The following CORO2A variants were observed in gnomAD, a reference collection of about 807,000 sequenced individuals.
CORO2A encodes coronin-2A.
In CORO2A, 47 loss-of-function variants were observed where a neutral mutation model predicts 62.4. The ratio of observed to expected loss-of-function variants is 0.75; its 90% CI spans 0.60 to 0.96. The LOEUF (loss-of-function observed/expected upper bound fraction) is 0.96. Ranked by LOEUF, CORO2A falls within the 40% of genes least tolerant of loss-of-function variation. The pLI, the probability that CORO2A is intolerant of heterozygous loss-of-function variation, is 0.00. For missense variants in CORO2A, 610 were observed against 684.1 expected, an observed-to-expected ratio of 0.89 and a Z score of 1.21; for synonymous variants, 273 against 268.9, an observed-to-expected ratio of 1.02 and a Z score of -0.15.
chr9:98,188,187 C>T (rs1828262140), intron 1 of CORO2A, among the ~76,000 whole-genome samples: 1 of 152,134 alleles, frequency 6.6e-6, no homozygotes, highest in South Asian at 2.1e-4. Context: ...CAGAAATGAG[C>T]CTGACTCACC....
chr9:98,138,319 G>A (rs2118826456), intron 2 of CORO2A, among the ~76,000 whole-genome samples: 1 of 151,646 alleles, frequency 6.6e-6, no homozygotes, highest in East Asian at 2.0e-4. Context: ...GGAGGCTGAG[G>A]TAGAACACTT....
intron 1 of CORO2A, among the ~76,000 whole-genome samples, chr9:98,159,317 G>A (rs1827851525): frequency 6.6e-6 from 1 of 152,036 alleles, no homozygotes; most frequent in Non-Finnish European, 1.5e-5. Context: ...TCAAAGGTTG[G>A]GATTAAAGGC....
At chr9:98,172,936 A>G (rs1009932887) in intron 1 of CORO2A, 22 of 152,304 alleles carry the variant, frequency 1.4e-4, no homozygotes, top group African/African-American at 5.3e-4. Context: ...AGGACAGGTG[A>G]CAGCATCACA....
At position 98,157,211 on chromosome 9, in the gene CORO2A, G is replaced by A. The variant is rs540191078; in HGVS notation, c.201+249C>T. ...ATTTTATTCAGGAGGAAATAAATTC[G>A]CAGAATTATATTGCAGAGAAGAGGA... On this transcript the variant is annotated intron_variant, in intron 2 of 11. Transcript: ENST00000375077. Among the ~76,000 whole-genome samples the A allele has an allele frequency of 1.1e-4, 16 of 152,238 alleles. 1 individual carries two copies. The South Asian group carries it at 3.1e-3, about 30-fold the overall frequency.
At chr9:98,161,302 C>T (rs560810437) in intron 1 of CORO2A, among the ~76,000 whole-genome samples, 98 of 152,072 alleles carry the variant, frequency 6.4e-4, no homozygotes, top group Non-Finnish European at 1.1e-3. Context: ...ACCTGTAATC[C>T]CAGCACTTTG....
In CORO2A at chr9:98,124,969, C is replaced by G. The variant is rs530059419; in HGVS notation, c.1447-64G>C. 2.0e-6 allele frequency: 3 copies of G among 1,532,830 alleles called. No homozygotes were observed. In the African/African-American group the frequency reaches 4.1e-5, roughly 21 times the overall value. 95.0% of individuals were successfully genotyped at this position (1,532,830 alleles called of 1,614,324 possible). Reference sequence around the variant, plus strand: ...TCAGGACACCAGCTGAAAGCTAAACCACTATCCCTCTTTGACTCAGAAAGG... The same window carrying G: ...TCAGGACACCAGCTGAAAGCTAAACGACTATCCCTCTTTGACTCAGAAAGG... On this transcript the variant is annotated intron_variant, in intron 11 of 11. Coordinates refer to ENST00000375077, the MANE Select transcript of CORO2A (RefSeq NM_052820.4).
rs1471981243 is a variant in CORO2A, at chr9:98,123,395, C to T, written c.*1379G>A. On this transcript the variant is annotated 3_prime_UTR_variant, in exon 12 of 12. Transcript: ENST00000375077. ...TTTCCTAGCAGAATTGTTTTTCATA[C>T]TAGCCCAACATATAAAATAGAAGGG... 6.6e-6 allele frequency: 1 copy of T among 152,086 alleles called. No individual in the cohort carries two copies. Among genetic ancestry groups the T allele is most frequent in the Non-Finnish European group, 1.5e-5 (1 of 68,018 alleles). 9.4% of individuals were successfully genotyped at this position (152,086 alleles called of 1,614,324 possible). A position where few individuals can be genotyped will look rare whatever the true frequency, so the allele number is the denominator to read the frequency against.
chr9:98,133,588 T>G (rs1285537791), intron 4 of CORO2A, among the ~76,000 whole-genome samples: 1 of 152,112 alleles, frequency 6.6e-6, no homozygotes, highest in African/African-American at 2.4e-5. Flanking sequence ...CATGCAGAGG[T>G]CCAGGGCAAT....
At chr9:98,169,170 C>G (rs1307631888) in intron 1 of CORO2A, among the ~76,000 whole-genome samples, 42 of 152,334 alleles carry the variant, frequency 2.8e-4, no homozygotes, top group Non-Finnish European at 2.8e-4. Context: ...ACAGCAAATG[C>G]AAAGAGTCCC....
chr9:98,158,343 A>G (rs1827835320), intron 1 of CORO2A, among the ~76,000 whole-genome samples: 1 of 152,190 alleles, frequency 6.6e-6, no homozygotes, highest in African/African-American at 2.4e-5. Flanking sequence ...TGTCATAAGG[A>G]TTAAGTTAGA....
intron 6 of CORO2A, 45 bp downstream of exon 6, chr9:98,132,140 C>A: frequency 7.2e-7 from 1 of 1,393,614 alleles, no homozygotes. Flanking sequence ...ATGACACTGG[C>A]TCTCAGCTGA....
At chr9:98,176,600 G>C (rs1355863518) in intron 1 of CORO2A, among the ~76,000 whole-genome samples, 1 of 152,146 alleles carries the variant, frequency 6.6e-6, no homozygotes, top group Non-Finnish European at 1.5e-5. Context: ...GGCTCCACTG[G>C]GGGGTGGGGG....
intron 3 of CORO2A, among the ~76,000 whole-genome samples, chr9:98,136,344 C>G (rs1482812322): frequency 5.3e-5 from 8 of 152,238 alleles, no homozygotes; most frequent in African/African-American, 1.9e-4. Flanking sequence ...CGTTCCTCAG[C>G]ATCTGCTATA....
chr9:98,159,213 C>A (rs2118880510), intron 1 of CORO2A, among the ~76,000 whole-genome samples: 1 of 152,244 alleles, frequency 6.6e-6, no homozygotes, highest in Middle Eastern at 3.4e-3. Context: ...TACATGCCAC[C>A]ATACCTGGCT....
intron 1 of CORO2A, among the ~76,000 whole-genome samples, chr9:98,180,121 C>T (rs529209428): frequency 6.6e-6 from 1 of 152,316 alleles, no homozygotes; most frequent in Non-Finnish European, 1.5e-5. Flanking sequence ...CTAAAACGCT[C>T]CTCCCTGACA....
rs55644517 is a variant in CORO2A at position 98,140,959 on chromosome 9, C to T, written c.202-3271G>A. Among the ~76,000 whole-genome samples, 880 of 152,242 alleles carry T rather than the reference C, an allele frequency of 5.8e-3. 12 individuals are homozygous for T. Among genetic ancestry groups the T allele is most frequent in the African/African-American group, 0.02 (837 of 41,530 alleles). On this transcript the variant is annotated intron_variant, in intron 2 of 11. Transcript: ENST00000375077. ...ATTACAGTATTATCACAACATTAAA[C>T]TTATATAAGTTGATAATGTACTGCA...
intron 2 of CORO2A, among the ~76,000 whole-genome samples, chr9:98,154,469 CA>C (rs1391842948): frequency 2.6e-5 from 4 of 151,196 alleles, no homozygotes; most frequent in African/African-American, 9.7e-5. Flanking sequence ...ATAAATTACC[CA>C]TAATTGCTAC....
chr9:98,148,075 C>T (rs930626633), intron 2 of CORO2A, among the ~76,000 whole-genome samples: 42 of 132,556 alleles, frequency 3.2e-4, no homozygotes, highest in African/African-American at 1.2e-3. Flanking sequence ...CATGAGACCT[C>T]GCCTCTATTA....
intron 3 of CORO2A, 116 bp downstream of exon 3, chr9:98,137,456 A>G (rs1827502119): frequency 4.9e-6 from 4 of 818,120 alleles, no homozygotes; most frequent in African/African-American, 3.4e-5. Flanking sequence ...CCACACAGTG[A>G]CCTCACCTCC....
Sources: allele counts gnomAD v4.1 joint callset (sites outside exome capture counted in the v4.1 genomes callset), GRCh38; gene constraint gnomAD v4.1.1; transcripts MANE v1.5; gene names NCBI Gene and HGNC (gene_info 2026-07-23, HGNC 2026-07-21).